The following BEST2 variants were observed in gnomAD, a reference collection of about 807,000 sequenced individuals.
The protein encoded by BEST2 is bestrophin 2.
Under a neutral mutation model 49.0 loss-of-function variants are expected in BEST2, and 36 were observed. That is an observed-to-expected ratio of 0.73 (90% CI 0.56 to 0.97). The LOEUF (loss-of-function observed/expected upper bound fraction) is 0.97, where lower values mean the gene tolerates loss of function less well. BEST2 is among the 50% of genes least tolerant of loss of function. The pLI, the probability that BEST2 is intolerant of heterozygous loss-of-function variation, is 0.00. For missense variants in BEST2, 672 were observed against 710.0 expected, an observed-to-expected ratio of 0.95 and a Z score of 0.61; for synonymous variants, 335 against 304.4, an observed-to-expected ratio of 1.10 and a Z score of -1.05.
chr19:12,754,600 G>A lies in BEST2; in HGVS notation c.296G>A (p.Cys99Tyr). The change falls in exon 4 of 10, where the codon TGC (cysteine) becomes TAC (tyrosine). Residue 99 changes from cysteine to tyrosine, a missense_variant. Transcript: ENST00000553030. ...VVNRWWSQYL[C>Y]MPLPDALMCV... is the part of the protein sequence containing the mutation. ...AACCGCTGGTGGAGCCAGTACCTAT[G>A]CATGCCGCTGCCCGACGCGCTCATG... The A allele has an allele frequency of 6.4e-7, 1 of 1,564,558 alleles. No homozygotes were observed. Among genetic ancestry groups the A allele is most frequent in the Non-Finnish European group, 8.7e-7 (1 of 1,150,760 alleles).
Position 12,757,678 on chromosome 19 carries a change from G to C in BEST2, c.1131G>C (p.Gln377His), listed in dbSNP as rs1336066713. 6.5e-7 allele frequency: 1 copy of C among 1,543,962 alleles called. No individual in the cohort carries two copies. The highest frequency in any genetic ancestry group is 8.7e-7 in the Non-Finnish European group (1 of 1,148,954). ...ITLAKEDMQF[Q>H]RLDGLDGPMG... ...TGGCCAAAGAAGACATGCAGTTCCA[G>C]CGGCTGGACGGCTTGGATGGACCGA... The change falls in exon 10 of 10, where the codon CAG becomes CAC. Residue 377 changes from glutamine to histidine, a missense_variant. Physicochemically the swap from Gln to His is conservative, Grantham distance 24. Coordinates refer to ENST00000553030, the MANE Select transcript of BEST2 (RefSeq NM_017682.3).
In BEST2 at chr19:12,755,155, T is replaced by A; in HGVS notation, c.636+124T>A. ...TTTCAAACACCCTCACCAGGTGCAC[T>A]CTTACCTCCATGGGGCTGATTCCAA... On this transcript the variant is annotated intron_variant, in intron 5 of 9. Coordinates refer to ENST00000553030, the MANE Select transcript of BEST2 (RefSeq NM_017682.3). This position sits in a 1 kb window ranked among gnomAD's most constrained non-coding sequence, Gnocchi z 4.4. The A allele has an allele frequency of 7.9e-7, 1 of 1,269,002 alleles. No homozygotes were observed. Among genetic ancestry groups the A allele is most frequent in the South Asian group, 1.5e-5 (1 of 65,952 alleles). The allele number at this position is 1,269,002 out of a possible 1,614,324, so 78.6% of individuals were successfully genotyped here. A position where few individuals can be genotyped will look rare whatever the true frequency, so the allele number is the denominator to read the frequency against.
At chr19:12,756,721 C>G (rs1475681770) in intron 9 of BEST2, 1 of 194,764 alleles carries the variant, frequency 5.1e-6, no homozygotes, top group Non-Finnish European at 1.1e-5. Flanking sequence ...GTGGTGCACG[C>G]CTGTAGTCCC....
In BEST2 at chr19:12,755,111, A is replaced by T; in HGVS notation, c.636+80A>T. The T allele has an allele frequency of 6.7e-7, 1 of 1,493,050 alleles. No individual in the cohort carries two copies. The highest frequency in any genetic ancestry group is 1.4e-5 in the South Asian group (1 of 74,028). 92.5% of individuals were successfully genotyped at this position (1,493,050 alleles called of 1,614,324 possible). ...GAGCTGTGTCAACGGCGGCCCTCCAAGCACCCCCACGAGGCCGATTTCAAA... is the reference window on the plus strand; with the variant it reads ...GAGCTGTGTCAACGGCGGCCCTCCATGCACCCCCACGAGGCCGATTTCAAA... On this transcript the variant is annotated intron_variant, in intron 5 of 9. Coordinates refer to ENST00000553030, the MANE Select transcript of BEST2 (RefSeq NM_017682.3). The surrounding 1 kb of genome is among the most constrained non-coding windows in gnomAD (Gnocchi z 4.4).
Position 12,755,418 on chromosome 19 carries a change from C to G in BEST2, c.676C>G (p.His226Asp). The G allele has an allele frequency of 6.2e-7, 1 of 1,614,208 alleles. No individual in the cohort carries two copies. Among genetic ancestry groups the G allele is most frequent in the African/African-American group, 1.3e-5 (1 of 75,042 alleles). The change falls in exon 6 of 10, where the codon CAC (histidine) becomes GAC (aspartate). Residue 226 changes from histidine to aspartate, a missense_variant. Transcript: ENST00000553030. The surrounding 1 kb of genome is among the most constrained non-coding windows in gnomAD (Gnocchi z 4.4). ...TCGGGGCAAATGTGGAATGCTCTTT[C>G]ACTATGACTGGATTAGCGTACCCCT... Reference protein sequence around the residue: ...VFRGKCGMLFHYDWISVPLVY... With the variant: ...VFRGKCGMLFDYDWISVPLVY...
chr19:12,756,133 AC>A lies in BEST2; in HGVS notation c.949-5del, dbSNP rs1452496801. 1 of 1,614,040 alleles carries A rather than the reference AC, an allele frequency of 6.2e-7. No homozygotes were observed. The highest frequency in any genetic ancestry group is 8.5e-7 in the Non-Finnish European group (1 of 1,179,994). The stretch of plus-strand genomic sequence containing the variant: ...CCCCCACTTTACCCTGTGTGTTTGC[AC>A]CCGTAGGTGTCCATGCTGGCAGTGG... On this transcript the variant is annotated splice_polypyrimidine_tract_variant and splice_region_variant and intron_variant, in intron 8 of 9. Transcript: ENST00000553030.
Position 12,758,005 on chromosome 19 carries a change from G to A in BEST2, c.1458G>A (p.Met486Ile). The change falls in exon 10 of 10, where the codon ATG (methionine) becomes ATA (isoleucine). Residue 486 changes from methionine (M) to isoleucine (I), a missense_variant. Physicochemically the swap from Met to Ile is conservative, Grantham distance 10. Transcript: ENST00000553030. ...GPVEPFSIVT[M>I]PGPRGPAPPW... ...TCGAGCCCTTCAGCATCGTGACCAT[G>A]CCCGGGCCCCGGGGTCCGGCGCCAC... 1 of 1,612,742 alleles carries A rather than the reference G, an allele frequency of 6.2e-7. No individual in the cohort carries two copies. Among genetic ancestry groups the A allele is most frequent in the Non-Finnish European group, 8.5e-7 (1 of 1,179,858 alleles).
Position 12,756,141 on chromosome 19 carries a change from G to T in BEST2, c.949G>T (p.Val317Leu), listed in dbSNP as rs753604392. Residue 317 changes from valine (V) to leucine (L), a missense_variant and splice_region_variant, in exon 9 of 10, where the codon GTG becomes TTG. By Grantham distance (32) the Val-to-Leu change is conservative. Transcript: ENST00000553030. The stretch of plus-strand genomic sequence containing the variant: ...TTACCCTGTGTGTTTGCACCCGTAG[G>T]TGTCCATGCTGGCAGTGGACGAGAT... ...TNFLIDRNFQ[V>L]SMLAVDEMYD... is the part of the protein sequence containing the mutation. 6.2e-7 allele frequency: 1 copy of T among 1,614,234 alleles called. No homozygotes were observed. The highest frequency in any genetic ancestry group is 1.7e-5 in the Admixed American group (1 of 60,026).
intron 3 of BEST2, among the ~76,000 whole-genome samples, chr19:12,754,153 G>A (rs1238583062): frequency 7.7e-6 from 1 of 130,074 alleles, no homozygotes; most frequent in East Asian, 2.3e-4. Context: ...TCAGCTCACT[G>A]CAACCTCCGC....
At chr19:12,756,717 C>T (rs535212763) in intron 9 of BEST2, 17 of 201,446 alleles carry the variant, frequency 8.4e-5, no homozygotes, top group Non-Finnish European at 1.6e-4. Flanking sequence ...CGTGGTGGTG[C>T]ACGCCTGTAG....
intron 2 of BEST2, 49 bp downstream of exon 2, chr19:12,752,793 T>TTA (rs778405514): frequency 5.7e-5 from 78 of 1,358,448 alleles, no homozygotes; most frequent in Middle Eastern, 2.8e-4. Context: ...GGGGCAGCTA[T>TTA]TATATATATA....
Position 12,757,712 on chromosome 19 carries a change from G to T in BEST2, c.1165G>T (p.Ala389Ser). The T allele has an allele frequency of 6.5e-7, 1 of 1,546,004 alleles. No homozygotes were observed. ...CGGCTTGGATGGACCGATGGGAGAG[G>T]CGCCCGGCGACTTCCTGCAGCGCCT... is the stretch of plus-strand genomic sequence containing the variant. ...LDGLDGPMGE[A>S]PGDFLQRLLP... The change falls in exon 10 of 10, where the codon GCG becomes TCG. Residue 389 changes from alanine (A) to serine (S), a missense_variant. Ala to Ser is a moderately conservative substitution (Grantham distance 99). Around this residue, in one of 3 missense-constraint regions of BEST2, gnomAD observed 291 missense variants for 279.8 expected, o/e 1.04. Coordinates refer to ENST00000553030, the MANE Select transcript of BEST2 (RefSeq NM_017682.3).
intron 3 of BEST2, 31 bp from the exon 4 acceptor site, chr19:12,754,521 C>T: frequency 6.9e-7 from 1 of 1,453,882 alleles, no homozygotes; most frequent in Non-Finnish European, 9.2e-7. Flanking sequence ...CTGGTGTCCC[C>T]ACTGAGCCCC....
At position 12,754,951 on chromosome 19, in the gene BEST2, G is replaced by A. The variant is rs370451899; in HGVS notation, c.556G>A (p.Val186Ile). ...CTACAACAAGTACTGGGTGCCCTGC[G>A]TCTGGTTCTCCAACCTGGCGGCACA... ...SSYNKYWVPC[V>I]WFSNLAAQAR... The change falls in exon 5 of 10, where the codon GTC becomes ATC. Residue 186 changes from valine (V) to isoleucine (I), a missense_variant. Val to Ile is a conservative substitution (Grantham distance 29). This residue lies in a region of BEST2 where 365 missense variants were observed against 390.9 expected (regional missense o/e 0.93). Coordinates refer to ENST00000553030, the MANE Select transcript of BEST2 (RefSeq NM_017682.3). 65 of 1,613,802 alleles carry A rather than the reference G, an allele frequency of 4.0e-5. No individual in the cohort carries two copies. Among genetic ancestry groups the A allele is most frequent in the African/African-American group, 8.0e-5 (6 of 74,930 alleles).
At position 12,757,957 on chromosome 19, in the gene BEST2, G is replaced by T. The variant is rs184526681; in HGVS notation, c.1410G>T (p.Pro470=). Residue 470 remains proline, a synonymous_variant, in exon 10 of 10, where the codon CCG becomes CCT. Transcript: ENST00000553030. ...CCCCGCCCCCTGCGGGTCCCGAACC[G>T]CTTACCCTCATCCCTGGGCCTGTCG... is the stretch of plus-strand genomic sequence containing the variant. The part of the protein sequence containing the change: ...PEAPPPAGPE[P]LTLIPGPVEP... 5 of 1,602,300 alleles carry T rather than the reference G, an allele frequency of 3.1e-6. No homozygotes were observed. Among genetic ancestry groups the T allele is most frequent in the South Asian group, 1.1e-5 (1 of 89,398 alleles).
At chr19:12,754,452 C>T in intron 3 of BEST2, 100 bp from the exon 4 acceptor site, 1 of 1,051,582 alleles carries the variant, frequency 9.5e-7, no homozygotes, top group Non-Finnish European at 1.3e-6. Flanking sequence ...CTCGGGTTTC[C>T]CTGATGCAGA....
chr19:12,752,549 C>CT lies in BEST2; in HGVS notation c.-44_-43insT. 1 of 1,602,488 alleles carries CT rather than the reference C, an allele frequency of 6.2e-7. No individual in the cohort carries two copies. Among genetic ancestry groups the CT allele is most frequent in the South Asian group, 1.1e-5 (1 of 90,704 alleles). Reference sequence around the variant, plus strand: ...CTCCACCCACACCCGCAGCCCCCACCCGGGCCACCCACTCTCCCTTGGCCA... The same window carrying CT: ...CTCCACCCACACCCGCAGCCCCCACCTCGGGCCACCCACTCTCCCTTGGCCA... On this transcript the variant is annotated 5_prime_UTR_variant, in exon 2 of 10. Coordinates refer to ENST00000553030, the MANE Select transcript of BEST2 (RefSeq NM_017682.3).
rs1479537741 is a variant in BEST2, at chr19:12,757,999, G to C, written c.1452G>C (p.Val484=). 1 of 1,612,556 alleles carries C rather than the reference G, an allele frequency of 6.2e-7. No homozygotes were observed. The highest frequency in any genetic ancestry group is 8.5e-7 in the Non-Finnish European group (1 of 1,179,838). Residue 484 remains valine (V), a synonymous_variant, in exon 10 of 10, where the codon GTG becomes GTC. Transcript: ENST00000553030. The part of the protein sequence containing the change: ...IPGPVEPFSI[V]TMPGPRGPAP... ...GGCCTGTCGAGCCCTTCAGCATCGT[G>C]ACCATGCCCGGGCCCCGGGGTCCGG...
intron 9 of BEST2, among the ~76,000 whole-genome samples, chr19:12,757,311 C>G (rs1967956532): frequency 6.6e-6 from 1 of 151,980 alleles, no homozygotes; most frequent in Non-Finnish European, 1.5e-5. Context: ...ACTCAGGAGG[C>G]TGAGACAGGA....
Sources: gnomAD v4.1 joint callset for allele counts (sites outside exome capture counted in the v4.1 genomes callset) on GRCh38, gnomAD v4.1.1 for gene constraint, gnomAD v4.1.1 regional missense constraint, Gnocchi (gnomAD v3.1) non-coding constraint, MANE v1.5 for transcripts, NCBI Gene and HGNC (gene_info 2026-07-23, HGNC 2026-07-21) for gene names.